Variants in AUTS2 observed in about 807,000 individuals in gnomAD.
AUTS2 encodes the protein autism susceptibility gene 2 protein.
Under a neutral mutation model 112.4 loss-of-function variants are expected in AUTS2, and 17 were observed. That is an observed-to-expected ratio of 0.15 (90% CI 0.10 to 0.23). The LOEUF is 0.23. Ranked by LOEUF, AUTS2 falls within the 10% of genes least tolerant of loss-of-function variation. The probability of loss-of-function intolerance (pLI) is 1.00; values close to 1 mark genes in which losing one functional copy is unlikely to be tolerated. For missense variants in AUTS2, 1,510 were observed against 1,701.6 expected, an observed-to-expected ratio of 0.89 and a Z score of 1.98; for synonymous variants, 751 against 702.7, an observed-to-expected ratio of 1.07 and a Z score of -1.09.
At chr7:70,023,904 T>C (rs1397214173) in intron 2 of AUTS2, among the ~76,000 whole-genome samples, 1 of 152,190 alleles carries the variant, frequency 6.6e-6, no homozygotes, top group Non-Finnish European at 1.5e-5. Flanking sequence ...GTGGTGTCTT[T>C]ATGCATTACC....
rs367832277 is a variant in AUTS2, at chr7:70,325,285, C to T, written c.661-110467C>T. Reference sequence around the variant, plus strand: ...GCTGCAGGGAGCTGTGATGGTACCACTTCACTCCAGCCGGAGTGACAGAGC... The same window carrying T: ...GCTGCAGGGAGCTGTGATGGTACCATTTCACTCCAGCCGGAGTGACAGAGC... On this transcript the variant is annotated intron_variant, in intron 4 of 18. Coordinates refer to ENST00000342771, the MANE Select transcript of AUTS2 (RefSeq NM_015570.4). Among the ~76,000 whole-genome samples, 34 of 152,176 alleles carry T rather than the reference C, an allele frequency of 2.2e-4. No individual in the cohort carries two copies. The South Asian group carries it at 3.1e-3, about 14-fold the overall frequency.
At chr7:69,817,548 G>A (rs1790815913) in intron 1 of AUTS2, among the ~76,000 whole-genome samples, 2 of 152,184 alleles carry the variant, frequency 1.3e-5, no homozygotes, top group South Asian at 2.1e-4. Context: ...GGTGTGCAGT[G>A]TTCTGTCTGA....
At position 70,792,264 on chromosome 7, in the gene AUTS2, G is replaced by C. The variant is rs1267075082; in HGVS notation, c.*1268G>C. The C allele has an allele frequency of 6.6e-6, 1 of 152,498 alleles. No individual in the cohort carries two copies. The highest frequency in any genetic ancestry group is 2.4e-5 in the African/African-American group (1 of 41,416). The allele number at this position is 152,498 out of a possible 1,614,324, so 9.4% of individuals were successfully genotyped here. ...TGGCAGAAAAAAAAGTCTTGTGTGT[G>C]AGTGTGTTTTTTGAGTTTGCATCAA... On this transcript the variant is annotated 3_prime_UTR_variant, in exon 19 of 19. Transcript: ENST00000342771.
chr7:70,607,224 T>C (rs1478162664), intron 5 of AUTS2, among the ~76,000 whole-genome samples: 1 of 138,680 alleles, frequency 7.2e-6, no homozygotes, highest in Non-Finnish European at 1.6e-5. Flanking sequence ...GAGCTTGCCA[T>C]GTGTCAGAAA....
intron 4 of AUTS2, among the ~76,000 whole-genome samples, chr7:70,380,296 A>C (rs1793308956): frequency 1.3e-5 from 2 of 151,872 alleles, no homozygotes; most frequent in South Asian, 4.1e-4. Context: ...ATAGAGACCA[A>C]AAGGGCTTAA....
At chr7:70,466,920 C>T (rs762914909) in intron 5 of AUTS2, among the ~76,000 whole-genome samples, 26 of 152,064 alleles carry the variant, frequency 1.7e-4, no homozygotes, top group Non-Finnish European at 3.4e-4. Context: ...GAGACTGTTA[C>T]CCAGGTGAGA....
chr7:70,389,365 T>C (rs1168823172), intron 4 of AUTS2, among the ~76,000 whole-genome samples: 1 of 152,200 alleles, frequency 6.6e-6, no homozygotes, highest in Admixed American at 6.5e-5. Context: ...CACGAAGTTT[T>C]CAGAAAATCT....
At chr7:69,821,916 C>CAAA (rs34912846) in intron 1 of AUTS2, among the ~76,000 whole-genome samples, 12 of 76,804 alleles carry the variant, frequency 1.6e-4, no homozygotes, top group South Asian at 4.6e-4. Context: ...ACAGGGTCTC[C>CAAA]AAAAAAAAAA....
intron 5 of AUTS2, among the ~76,000 whole-genome samples, chr7:70,670,465 G>C (rs1000902570): frequency 1.3e-5 from 2 of 152,198 alleles, no homozygotes; most frequent in Non-Finnish European, 2.9e-5. Context: ...ACAGAGTGAG[G>C]AAAGGAAATT....
chr7:69,876,151 G>A (rs1046738881), intron 1 of AUTS2, among the ~76,000 whole-genome samples: 3 of 149,846 alleles, frequency 2.0e-5, no homozygotes, highest in African/African-American at 7.4e-5. Flanking sequence ...CAGTTCACGC[G>A]GTCAGGAGAT....
chr7:69,781,374 AT>A, intron 1 of AUTS2, among the ~76,000 whole-genome samples: 1 of 152,354 alleles, frequency 6.6e-6, no homozygotes, highest in Non-Finnish European at 1.5e-5. Context: ...GAGGGGGCCA[AT>A]TTATGGTATT....
intron 5 of AUTS2, among the ~76,000 whole-genome samples, chr7:70,591,300 G>A (rs1053845499): frequency 2.1e-4 from 31 of 149,634 alleles, no homozygotes; most frequent in South Asian, 1.7e-3. Context: ...CATGCTGCCC[G>A]CTTTGCTGGA....
chr7:70,695,787 A>T (rs1809059273), intron 5 of AUTS2, among the ~76,000 whole-genome samples: 1 of 152,254 alleles, frequency 6.6e-6, no homozygotes, highest in African/African-American at 2.4e-5. Context: ...AAAAAAACAA[A>T]AAAACATATT....
chr7:70,308,264 A>G (rs187656771), intron 4 of AUTS2, among the ~76,000 whole-genome samples: 4 of 152,322 alleles, frequency 2.6e-5, no homozygotes, highest in Admixed American at 6.5e-5. Context: ...CCCAGGAGTT[A>G]TAACAATTGT....
intron 3 of AUTS2, among the ~76,000 whole-genome samples, chr7:70,130,580 A>G (rs551489285): frequency 1.3e-5 from 2 of 152,286 alleles, no homozygotes; most frequent in South Asian, 2.1e-4. Flanking sequence ...CCGTGGTAGC[A>G]TGAAGATTGA....
At chr7:69,760,095 C>CA (rs968064704) in intron 1 of AUTS2, among the ~76,000 whole-genome samples, 12 of 145,906 alleles carry the variant, frequency 8.2e-5, no homozygotes, top group South Asian at 2.2e-4. Flanking sequence ...AAAGATCTGG[C>CA]AAAAAAAACA....
intron 6 of AUTS2, among the ~76,000 whole-genome samples, chr7:70,700,986 A>G (rs79642862): frequency 2.5e-3 from 385 of 152,370 alleles, no homozygotes; most frequent in Non-Finnish European, 3.6e-3. Flanking sequence ...AACAAACACA[A>G]CTGGGGAAAT....
At chr7:70,728,646 T>G (rs1268844919) in intron 6 of AUTS2, among the ~76,000 whole-genome samples, 3 of 146,484 alleles carry the variant, frequency 2.0e-5, no homozygotes. Flanking sequence ...AGGCGGAGGT[T>G]GCAGTGAGCC....
intron 5 of AUTS2, among the ~76,000 whole-genome samples, chr7:70,616,915 C>G (rs534151074): frequency 1.3e-5 from 2 of 152,196 alleles, no homozygotes; most frequent in African/African-American, 4.8e-5. Flanking sequence ...TTAGCAGAAA[C>G]AGGGCACTTC....
Sources: allele counts gnomAD v4.1 joint callset (sites outside exome capture counted in the v4.1 genomes callset), GRCh38; gene constraint gnomAD v4.1.1; transcripts MANE v1.5; gene names NCBI Gene and HGNC (gene_info 2026-07-23, HGNC 2026-07-21).